EHHADH: variants seen among roughly 807,000 people sequenced by gnomAD.
The protein encoded by EHHADH is peroxisomal bifunctional enzyme.
Under a neutral mutation model 64.4 loss-of-function variants are expected in EHHADH, and 48 were observed. The observed-to-expected ratio is 0.75, with a 90% CI of 0.59 to 0.95. The LOEUF is 0.95. EHHADH is among the 40% of genes least tolerant of loss of function. EHHADH has a pLI of 0.00. For synonymous variants in EHHADH, 308 were observed against 326.7 expected (o/e 0.94, Z 0.62); for missense variants, 854 against 876.6 (o/e 0.97, Z 0.33).
intron 5 of EHHADH, among the ~76,000 whole-genome samples, chr3:185,213,628 C>T (rs1429514889): frequency 6.6e-6 from 1 of 151,850 alleles, no homozygotes; most frequent in Admixed American, 6.6e-5. Context: ...GGCTGTAATC[C>T]CAGCACTTTG....
In EHHADH at chr3:185,192,600, G is replaced by A. The variant is rs986656591; in HGVS notation, c.1798C>T (p.Leu600=). The A allele has an allele frequency of 6.2e-7, 1 of 1,614,182 alleles. No individual in the cohort carries two copies. The highest frequency in any genetic ancestry group is 8.5e-7 in the Non-Finnish European group (1 of 1,180,044). Residue 600 remains leucine (L), a synonymous_variant, in exon 7 of 7, where the codon CTA becomes TTA. Transcript: ENST00000231887. ...HKPDPWLSKF[L]SRYRKTHHIE... ...TGATGGGTTTTTCTATACCGTGATAGGAATTTGGAAAGCCAGGGATCAGGT... is the reference window on the plus strand; with the variant it reads ...TGATGGGTTTTTCTATACCGTGATAAGAATTTGGAAAGCCAGGGATCAGGT...
intron 2 of EHHADH, among the ~76,000 whole-genome samples, chr3:185,243,739 A>G (rs1719517533): frequency 6.6e-6 from 1 of 152,136 alleles, no homozygotes; most frequent in African/African-American, 2.4e-5. Flanking sequence ...TTGAGATTTG[A>G]TTTATGGCCA....
rs749527982 is a variant in EHHADH at position 185,204,527 on chromosome 3, C to G, written c.799G>C (p.Ala267Pro). 6.2e-7 allele frequency: 1 copy of G among 1,614,056 alleles called. No individual in the cohort carries two copies. The highest frequency in any genetic ancestry group is 2.2e-5 in the East Asian group (1 of 44,890). The change falls in exon 6 of 7, where the codon GCC (alanine) becomes CCC (proline). Residue 267 changes from alanine to proline, a missense_variant. By Grantham distance (27) the Ala-to-Pro change is conservative (BLOSUM62 -1). Coordinates refer to ENST00000231887, the MANE Select transcript of EHHADH (RefSeq NM_001966.4). ...TCAGCGAAGAAAGCATATTGCAGGG[C>G]TCTAGCCTGCCCTGATTGCAAAAGA... ...LYLLQSGQAR[A>P]LQYAFFAERK...
At chr3:185,246,733 C>T (rs182742893) in intron 2 of EHHADH, among the ~76,000 whole-genome samples, 134 of 152,224 alleles carry the variant, frequency 8.8e-4, no homozygotes, top group African/African-American at 3.1e-3. Context: ...CAAATGTTTT[C>T]TATTTCATTA....
At chr3:185,253,581 AAG>A (rs1719807252) in intron 1 of EHHADH, among the ~76,000 whole-genome samples, 1 of 20,022 alleles carries the variant, frequency 5.0e-5, no homozygotes, top group African/African-American at 7.5e-4. Context: ...AAAAAAAAAA[AAG>A]AAAAATAAAA....
chr3:185,239,687 G>A (rs568198003), intron 2 of EHHADH, among the ~76,000 whole-genome samples: 4 of 152,114 alleles, frequency 2.6e-5, no homozygotes, highest in Non-Finnish European at 4.4e-5. Flanking sequence ...TGGAAGAGTC[G>A]TTAGGATTTT....
chr3:185,211,499 G>A (rs2108633811), intron 5 of EHHADH, among the ~76,000 whole-genome samples: 1 of 152,276 alleles, frequency 6.6e-6, no homozygotes, highest in South Asian at 2.1e-4. Context: ...CTCTGCCTAG[G>A]CTAAAGAGAG....
intron 6 of EHHADH, among the ~76,000 whole-genome samples, chr3:185,201,664 T>A (rs1366795270): frequency 6.6e-6 from 1 of 152,212 alleles, no homozygotes; most frequent in African/African-American, 2.4e-5. Context: ...CAGATCCTCT[T>A]ACTTGATTTC....
At chr3:185,238,309 T>C (rs1314453412) in intron 2 of EHHADH, among the ~76,000 whole-genome samples, 3 of 152,220 alleles carry the variant, frequency 2.0e-5, no homozygotes, top group African/African-American at 7.2e-5. Context: ...ATAGCTCTGT[T>C]TTTAATTCTT....
intron 4 of EHHADH, chr3:185,226,905 G>T (rs1165495205): frequency 6.6e-6 from 1 of 152,180 alleles, no homozygotes; most frequent in African/African-American, 2.4e-5. Context: ...TGACAATGAT[G>T]ATTATTGTTG....
Position 185,193,027 on chromosome 3 carries a change from G to A in EHHADH, c.1371C>T (p.Ala457=). 1 of 1,614,186 alleles carries A rather than the reference G, an allele frequency of 6.2e-7. No homozygotes were observed. Among genetic ancestry groups the A allele is most frequent in the South Asian group, 1.1e-5 (1 of 91,080 alleles). ...PSQYSSPTTI[A]TVMNLSKKIK... is the part of the protein sequence containing the mutation. ...TCTTTTTTGATAAGTTCATAACAGT[G>A]GCAATGGTAGTGGGGGAAGAGTATT... The change falls in exon 7 of 7, where the codon GCC becomes GCT. Residue 457 remains alanine (A), a synonymous_variant. Transcript: ENST00000231887.
intron 2 of EHHADH, among the ~76,000 whole-genome samples, chr3:185,237,524 C>T (rs990084918): frequency 1.3e-5 from 2 of 152,138 alleles, no homozygotes; most frequent in African/African-American, 4.8e-5. Context: ...CTGATTAAGG[C>T]ATTTTCTTTT....
intron 3 of EHHADH, among the ~76,000 whole-genome samples, chr3:185,230,051 G>T (rs907970136): frequency 6.6e-6 from 1 of 152,104 alleles, no homozygotes; most frequent in African/African-American, 2.4e-5. Context: ...GATACAAATG[G>T]CCAGTAAGCA....
chr3:185,242,069 C>A (rs1437412857), intron 2 of EHHADH, among the ~76,000 whole-genome samples: 2 of 152,090 alleles, frequency 1.3e-5, no homozygotes, highest in Non-Finnish European at 2.9e-5. Flanking sequence ...AATAACTCAT[C>A]CCCTTTTAAA....
At chr3:185,212,499 C>T (rs1186282129) in intron 5 of EHHADH, among the ~76,000 whole-genome samples, 1 of 152,172 alleles carries the variant, frequency 6.6e-6, no homozygotes, top group African/African-American at 2.4e-5. Flanking sequence ...ATTGGAAATT[C>T]CCTTTTCTCC....
At chr3:185,206,415 C>A (rs1718392909) in intron 5 of EHHADH, among the ~76,000 whole-genome samples, 1 of 152,032 alleles carries the variant, frequency 6.6e-6, no homozygotes, top group South Asian at 2.1e-4. Context: ...ATTTTCAGGA[C>A]CTTGGGGTTA....
At position 185,216,423 on chromosome 3, in the gene EHHADH, C is replaced by T. The variant is rs957880711; in HGVS notation, c.568+1713G>A. The stretch of plus-strand genomic sequence containing the variant: ...AGAATCATTTCGGGACCTCCAAATG[C>T]AAATAGCCTTTGCTGTGTGTCTGTC... On this transcript the variant is annotated intron_variant, in intron 5 of 6. Transcript: ENST00000231887. This position sits in a 1 kb window ranked among gnomAD's most constrained non-coding sequence, Gnocchi z 5.3. Among the ~76,000 whole-genome samples the T allele has an allele frequency of 6.6e-6, 1 of 152,198 alleles. No individual in the cohort carries two copies. The highest frequency in any genetic ancestry group is 2.4e-5 in the African/African-American group (1 of 41,442).
intron 3 of EHHADH, among the ~76,000 whole-genome samples, chr3:185,233,135 A>G (rs1194923169): frequency 3.9e-5 from 6 of 152,250 alleles, no homozygotes; most frequent in Non-Finnish European, 4.4e-5. Flanking sequence ...TAGGACCACT[A>G]TGTAAAGCAA....
intron 4 of EHHADH, among the ~76,000 whole-genome samples, chr3:185,219,544 G>A (rs553778077): frequency 1.2e-4 from 19 of 152,282 alleles, no homozygotes; most frequent in South Asian, 2.1e-4. Context: ...GGTTTGCACC[G>A]TTCCTAAATT....
Sources: allele counts gnomAD v4.1 joint callset (sites outside exome capture counted in the v4.1 genomes callset), GRCh38; gene constraint gnomAD v4.1.1; non-coding constraint Gnocchi (gnomAD v3.1); transcripts MANE v1.5; gene names NCBI Gene and HGNC (gene_info 2026-07-23, HGNC 2026-07-21).